NREP: variants seen among roughly 807,000 people sequenced by gnomAD.
NREP encodes the protein neuronal regeneration related protein, also known as neuronal regeneration-related protein.
A neutral mutation model predicts 8.6 loss-of-function variants in NREP; 5 were observed. The observed-to-expected ratio is 0.58, with a 90% CI of 0.30 to 1.22. The LOEUF (loss-of-function observed/expected upper bound fraction) is 1.22, where lower values mean the gene tolerates loss of function less well. Ranked by LOEUF, NREP falls within the 50% of genes most tolerant of loss-of-function variation. NREP has a pLI of 0.07. For missense variants in NREP, 86 were observed against 82.5 expected (o/e 1.04, Z -0.17); for synonymous variants, 27 against 28.0 (o/e 0.96, Z 0.11).
At chr5:111,737,504 G>C (rs1020556101) in intron 2 of NREP, among the ~76,000 whole-genome samples, 9 of 152,248 alleles carry the variant, frequency 5.9e-5, no homozygotes, top group African/African-American at 1.7e-4. Context: ...AGGAAGCAAA[G>C]AAAAGCAAGG....
At chr5:111,815,206 T>C (rs1464813137) in intron 2 of NREP, among the ~76,000 whole-genome samples, 6 of 152,162 alleles carry the variant, frequency 3.9e-5, no homozygotes, top group East Asian at 1.9e-4. Flanking sequence ...AAAAAGGATA[T>C]GCCTGGTAAA....
chr5:111,875,570 T>C (rs1037544629), intron 2 of NREP, among the ~76,000 whole-genome samples: 5 of 152,240 alleles, frequency 3.3e-5, no homozygotes. Flanking sequence ...ACTCCCTGTC[T>C]ATGTATACTC....
chr5:111,882,334 A>G (rs1754102874), intron 2 of NREP, among the ~76,000 whole-genome samples: 1 of 152,224 alleles, frequency 6.6e-6, no homozygotes, highest in Admixed American at 6.5e-5. Context: ...ACTATGTGAA[A>G]AGACTGAATC....
At chr5:111,857,574 T>A (rs1275607316) in intron 2 of NREP, among the ~76,000 whole-genome samples, 2 of 151,900 alleles carry the variant, frequency 1.3e-5, no homozygotes, top group Admixed American at 6.6e-5. Flanking sequence ...TGTATCGGGG[T>A]GATGGGTGTA....
chr5:111,908,829 T>C (rs977205873), intron 2 of NREP, among the ~76,000 whole-genome samples: 1 of 152,098 alleles, frequency 6.6e-6, no homozygotes, highest in Admixed American at 6.6e-5. Flanking sequence ...AGTTCTATTT[T>C]AGTTCTTTGA....
chr5:111,835,806 CAT>C (rs1752878960), intron 2 of NREP, among the ~76,000 whole-genome samples: 1 of 152,026 alleles, frequency 6.6e-6, no homozygotes, highest in African/African-American at 2.4e-5. Flanking sequence ...GGAAAAAGGT[CAT>C]TGCTGTATAA....
chr5:111,873,221 G>A lies in NREP; in HGVS notation c.135+102053C>T, dbSNP rs531848361. Among the ~76,000 whole-genome samples the A allele has an allele frequency of 2.6e-5, 4 of 152,260 alleles. No homozygotes were observed. The South Asian group carries it at 8.3e-4, about 32-fold the overall frequency. The stretch of plus-strand genomic sequence containing the variant: ...TCATCTGCAAGTCAGAAGAATAACT[G>A]AGGAGAGATAAATGGGAGTGGTCAT... On this transcript the variant is annotated intron_variant, in intron 2 of 3. Coordinates refer to the NREP transcript ENST00000395634.
At chr5:111,926,736 G>A (rs1471506116) in intron 2 of NREP, among the ~76,000 whole-genome samples, 2 of 151,974 alleles carry the variant, frequency 1.3e-5, no homozygotes, top group Non-Finnish European at 2.9e-5. Context: ...ACGTCCCTTA[G>A]TCTTCTCCCT....
rs183268143 is a variant in NREP at position 111,849,180 on chromosome 5, G to A, written c.136-113673C>T. ...AACAAAACTCAGTCCTAGAAGGACA[G>A]TGAAAGCACCCTGGTAGACATGGTA... On this transcript the variant is annotated intron_variant, in intron 2 of 3. Transcript: ENST00000395634. Among the ~76,000 whole-genome samples, 281 of 152,284 alleles carry A rather than the reference G, an allele frequency of 1.8e-3. 3 individuals are homozygous for A. The highest frequency in any genetic ancestry group is 6.5e-3 in the African/African-American group (269 of 41,578).
chr5:111,810,810 T>C (rs1752252390), intron 2 of NREP, among the ~76,000 whole-genome samples: 1 of 152,208 alleles, frequency 6.6e-6, no homozygotes, highest in South Asian at 2.1e-4. Flanking sequence ...GGGTACAAAA[T>C]AGTTACTGAA....
intron 2 of NREP, among the ~76,000 whole-genome samples, chr5:111,920,930 T>C (rs1755221159): frequency 6.6e-6 from 1 of 152,146 alleles, no homozygotes; most frequent in African/African-American, 2.4e-5. Context: ...GCCCACTGTA[T>C]GTTTGTACAT....
At chr5:111,886,843 G>A (rs567881110) in intron 2 of NREP, among the ~76,000 whole-genome samples, 65 of 150,080 alleles carry the variant, frequency 4.3e-4, no homozygotes, top group Admixed American at 3.3e-4. Flanking sequence ...GACGGGGGAG[G>A]GATAGCATTA....
At chr5:111,847,079 C>G (rs1168090452) in intron 2 of NREP, among the ~76,000 whole-genome samples, 2 of 151,832 alleles carry the variant, frequency 1.3e-5, no homozygotes, top group African/African-American at 4.8e-5. Context: ...CATGAGGCTA[C>G]TGACACATAT....
At chr5:111,866,290 C>G (rs1308263249) in intron 2 of NREP, among the ~76,000 whole-genome samples, 2 of 151,486 alleles carry the variant, frequency 1.3e-5, no homozygotes, top group Non-Finnish European at 2.9e-5. Context: ...ACAATGAACT[C>G]AAACAAATTT....
At chr5:111,911,368 G>A (rs1474392780) in intron 2 of NREP, among the ~76,000 whole-genome samples, 1 of 151,964 alleles carries the variant, frequency 6.6e-6, no homozygotes, top group Non-Finnish European at 1.5e-5. Context: ...TACACACTTT[G>A]CAGAAGCATT....
intron 2 of NREP, among the ~76,000 whole-genome samples, chr5:111,902,565 C>A (rs1320529338): frequency 6.6e-6 from 1 of 152,110 alleles, no homozygotes; most frequent in East Asian, 1.9e-4. Flanking sequence ...AAAGTTAAAG[C>A]AGACTGTTCA....
At chr5:111,796,738 T>G (rs575415321) in intron 2 of NREP, among the ~76,000 whole-genome samples, 2 of 152,308 alleles carry the variant, frequency 1.3e-5, no homozygotes, top group African/African-American at 4.8e-5. Flanking sequence ...GATAATATAA[T>G]GACCACTATA....
intron 2 of NREP, among the ~76,000 whole-genome samples, chr5:111,894,073 G>T (rs1188740008): frequency 2.0e-5 from 3 of 151,714 alleles, no homozygotes; most frequent in African/African-American, 7.3e-5. Context: ...TAAAAAATTA[G>T]CCAGGCATGG....
intron 2 of NREP, among the ~76,000 whole-genome samples, chr5:111,845,582 A>T (rs1324766222): frequency 6.6e-6 from 1 of 152,200 alleles, no homozygotes; most frequent in Non-Finnish European, 1.5e-5. Flanking sequence ...ATCTTTTTTG[A>T]ACAGTTATTC....
Sources: allele counts gnomAD v4.1 joint callset (sites outside exome capture counted in the v4.1 genomes callset), GRCh38; gene constraint gnomAD v4.1.1; transcripts MANE v1.5; gene names NCBI Gene and HGNC (gene_info 2026-07-23, HGNC 2026-07-21).